The following PTPRD variants were observed in gnomAD, a reference collection of about 807,000 sequenced individuals.
PTPRD encodes protein tyrosine phosphatase receptor type D.
In PTPRD, 34 loss-of-function variants were observed where a neutral mutation model predicts 214.5. The ratio of observed to expected loss-of-function variants is 0.16; its 90% confidence interval spans 0.12 to 0.21. PTPRD has a LOEUF of 0.21. PTPRD is among the 10% of genes least tolerant of loss of function. The probability of loss-of-function intolerance (pLI) is 1.00; values close to 1 mark genes in which losing one functional copy is unlikely to be tolerated. For missense variants in PTPRD, 2,545 were observed against 2,398.7 expected, an observed-to-expected ratio of 1.06 and a Z score of -1.27; for synonymous variants, 1,128 against 845.7, an observed-to-expected ratio of 1.33 and a Z score of -5.79.
At chr9:9,559,533 G>A (rs948492233) in intron 8 of PTPRD, among the ~76,000 whole-genome samples, 3 of 152,204 alleles carry the variant, frequency 2.0e-5, no homozygotes, top group Non-Finnish European at 4.4e-5. Flanking sequence ...TAGGCTGCTT[G>A]GCTGTCTCAG....
chr9:9,364,708 C>A (rs1256357384), intron 9 of PTPRD, among the ~76,000 whole-genome samples: 3 of 151,314 alleles, frequency 2.0e-5, no homozygotes, highest in African/African-American at 7.3e-5. Context: ...AAGGAAAGGT[C>A]CCATTTATAT....
At chr9:9,696,736 C>T (rs1040472897) in intron 7 of PTPRD, among the ~76,000 whole-genome samples, 3 of 151,928 alleles carry the variant, frequency 2.0e-5, no homozygotes, top group African/African-American at 4.8e-5. Context: ...TATAGTTGTG[C>T]CTTGTTTCTT....
intron 11 of PTPRD, among the ~76,000 whole-genome samples, chr9:8,831,506 T>C (rs1036599498): frequency 2.0e-5 from 3 of 152,008 alleles, no homozygotes; most frequent in Admixed American, 2.0e-4. Context: ...TACATACAAT[T>C]AAAAAGCAAA....
At chr9:9,994,850 G>A (rs1423775517) in intron 4 of PTPRD, among the ~76,000 whole-genome samples, 1 of 152,058 alleles carries the variant, frequency 6.6e-6, no homozygotes, top group South Asian at 2.1e-4. Context: ...ATTTTTAGGT[G>A]AGAGTAGTTA....
chr9:8,648,208 G>A (rs896801653), intron 12 of PTPRD, among the ~76,000 whole-genome samples: 6 of 152,152 alleles, frequency 3.9e-5, no homozygotes, highest in East Asian at 1.9e-4. Context: ...TCATAAACAC[G>A]TGTTTTACAG....
At chr9:8,503,334 T>C (rs2097457741) in intron 23 of PTPRD, among the ~76,000 whole-genome samples, 1 of 152,182 alleles carries the variant, frequency 6.6e-6, no homozygotes, top group Admixed American at 6.5e-5. Flanking sequence ...AATGTATTTC[T>C]ACTACAGATA....
chr9:9,376,051 G>C (rs34103777), intron 9 of PTPRD, among the ~76,000 whole-genome samples: 2 of 151,344 alleles, frequency 1.3e-5, no homozygotes, highest in African/African-American at 4.9e-5. Flanking sequence ...AATATAAAGC[G>C]CAAGAAAATG....
At chr9:8,635,942 A>T (rs1310273040) in intron 13 of PTPRD, among the ~76,000 whole-genome samples, 1 of 152,156 alleles carries the variant, frequency 6.6e-6, no homozygotes, top group East Asian at 1.9e-4. Flanking sequence ...AGAATCTTTG[A>T]TTTATGTTTC....
intron 2 of PTPRD, among the ~76,000 whole-genome samples, chr9:10,351,681 GAC>G (rs1443451861): frequency 6.8e-6 from 1 of 146,294 alleles, no homozygotes; most frequent in Non-Finnish European, 1.5e-5. Flanking sequence ...TTTTTTTAAT[GAC>G]AGAGAGGGTT....
At chr9:9,354,987 G>A (rs2053177697) in intron 9 of PTPRD, among the ~76,000 whole-genome samples, 1 of 151,710 alleles carries the variant, frequency 6.6e-6, no homozygotes, top group South Asian at 2.1e-4. Flanking sequence ...TAAAGGGAAA[G>A]GTACCAGATA....
At chr9:8,871,095 C>T (rs540725680) in intron 11 of PTPRD, among the ~76,000 whole-genome samples, 6 of 152,266 alleles carry the variant, frequency 3.9e-5, no homozygotes, top group South Asian at 2.1e-4. Context: ...ATAATTAAAG[C>T]GTTGGCAATG....
intron 5 of PTPRD, among the ~76,000 whole-genome samples, chr9:9,853,057 T>C (rs1442977573): frequency 6.6e-6 from 1 of 152,170 alleles, no homozygotes; most frequent in Non-Finnish European, 1.5e-5. Context: ...TCCATAGAGG[T>C]ACCATACATT....
Position 10,311,297 on chromosome 9 carries a change from CT to C in PTPRD, c.-545+29665del, listed in dbSNP as rs574860505. 7.2e-4 allele frequency among the ~76,000 whole-genome samples: 110 copies of C among 151,978 alleles called. 1 individual carries two copies. Among genetic ancestry groups the C allele is most frequent in the African/African-American group, 2.6e-3 (108 of 41,480 alleles). On this transcript the variant is annotated intron_variant, in intron 3 of 45. Coordinates refer to ENST00000381196, the MANE Select transcript of PTPRD (RefSeq NM_002839.4). The stretch of plus-strand genomic sequence containing the variant: ...TCTAAACTTAAAGTTAACCTTTATA[CT>C]GATCAAGAAAAGAACTAAGGAAGCT...
At chr9:9,954,141 CAA>C (rs2093689174) in intron 4 of PTPRD, among the ~76,000 whole-genome samples, 1 of 151,192 alleles carries the variant, frequency 6.6e-6, no homozygotes, top group Non-Finnish European at 1.5e-5. Flanking sequence ...ACAAAAAATA[CAA>C]AAATTAGCTG....
intron 39 of PTPRD, among the ~76,000 whole-genome samples, chr9:8,350,495 G>C (rs565643071): frequency 2.6e-5 from 4 of 152,088 alleles, no homozygotes; most frequent in Non-Finnish European, 5.9e-5. Context: ...TGAGTTTTAC[G>C]ACTCAGGTTT....
At chr9:8,537,773 T>C (rs1024577971) in intron 14 of PTPRD, among the ~76,000 whole-genome samples, 39 of 151,986 alleles carry the variant, frequency 2.6e-4, no homozygotes, top group African/African-American at 8.7e-4. Flanking sequence ...GGGCAGAGAA[T>C]AAAACAAACT....
chr9:10,383,792 A>T (rs541841427), intron 2 of PTPRD, among the ~76,000 whole-genome samples: 1 of 151,982 alleles, frequency 6.6e-6, no homozygotes, highest in African/African-American at 2.4e-5. Context: ...GACTCTAATC[A>T]TAAGTTAGCA....
intron 3 of PTPRD, among the ~76,000 whole-genome samples, chr9:10,328,328 C>T (rs935278334): frequency 4.6e-5 from 7 of 151,438 alleles, no homozygotes; most frequent in African/African-American, 1.7e-4. Flanking sequence ...GAATTACACC[C>T]GGTACTTGAA....
intron 3 of PTPRD, among the ~76,000 whole-genome samples, chr9:10,076,629 A>T (rs989335082): frequency 5.3e-5 from 8 of 152,108 alleles, no homozygotes; most frequent in African/African-American, 1.7e-4. Context: ...GGGCTGTCAT[A>T]TATGAGCCTT....
Sources: allele counts gnomAD v4.1 joint callset (sites outside exome capture counted in the v4.1 genomes callset), GRCh38; gene constraint gnomAD v4.1.1; transcripts MANE v1.5; gene names NCBI Gene and HGNC (gene_info 2026-07-23, HGNC 2026-07-21).